The following HTRA1 variants were observed in gnomAD, a reference collection of about 807,000 sequenced individuals.
HTRA1 encodes HtrA serine peptidase 1.
A neutral mutation model predicts 49.7 loss-of-function variants in HTRA1; 26 were observed. That is an observed-to-expected ratio of 0.52 (90% CI 0.38 to 0.73). The LOEUF (loss-of-function observed/expected upper bound fraction) is 0.73, where lower values mean the gene tolerates loss of function less well. HTRA1 is among the 30% of genes least tolerant of loss of function. The pLI is 0.00. For synonymous variants in HTRA1, 291 were observed against 286.9 expected (o/e 1.01, Z -0.14); for missense variants, 561 against 667.2 (o/e 0.84, Z 1.75).
chr10:122,463,025 C>G (rs139968971), intron 1 of HTRA1, among the ~76,000 whole-genome samples: 1 of 152,236 alleles, frequency 6.6e-6, no homozygotes, highest in East Asian at 1.9e-4. Context: ...AAAATAATAT[C>G]GAGTTCAGCA....
At chr10:122,467,963 G>A (rs145124312) in intron 1 of HTRA1, among the ~76,000 whole-genome samples, 3 of 152,334 alleles carry the variant, frequency 2.0e-5, no homozygotes, top group Admixed American at 6.5e-5. Flanking sequence ...ACAGAAGTAA[G>A]TGGCTGCGAA....
In HTRA1 at chr10:122,482,033, A is replaced by G. The variant is rs1026803121; in HGVS notation, c.473-6869A>G. Among the ~76,000 whole-genome samples the G allele has an allele frequency of 5.9e-5, 9 of 152,228 alleles. No homozygotes were observed. The South Asian group carries it at 1.9e-3, about 32-fold the overall frequency. Reference sequence around the variant, plus strand: ...AATGGACTAATACAGTAGTGCAGTCATTTTTTCATGGTCCCCAGTAAGGCC... The same window carrying G: ...AATGGACTAATACAGTAGTGCAGTCGTTTTTTCATGGTCCCCAGTAAGGCC... On this transcript the variant is annotated intron_variant, in intron 1 of 8. Coordinates refer to ENST00000368984, the MANE Select transcript of HTRA1 (RefSeq NM_002775.5).
At chr10:122,462,706 C>T (rs1227589624) in intron 1 of HTRA1, among the ~76,000 whole-genome samples, 4 of 152,350 alleles carry the variant, frequency 2.6e-5, no homozygotes, top group Admixed American at 6.5e-5. Flanking sequence ...GGTTTGGCAC[C>T]GCTCTCGTTT....
At chr10:122,508,269 G>T (rs1015061427) in intron 5 of HTRA1, among the ~76,000 whole-genome samples, 3 of 152,242 alleles carry the variant, frequency 2.0e-5, no homozygotes, top group Admixed American at 1.3e-4. Flanking sequence ...TCCCCCTGAA[G>T]TCAGCAGAGT....
In HTRA1 at chr10:122,506,632, G is replaced by A. The variant is rs1002419422; in HGVS notation, c.778-59G>A. The A allele has an allele frequency of 2.3e-5, 34 of 1,450,886 alleles. No individual in the cohort carries two copies. Among genetic ancestry groups the A allele is most frequent in the Non-Finnish European group, 3.2e-5 (33 of 1,042,012 alleles). 89.9% of individuals were successfully genotyped at this position (1,450,886 alleles called of 1,614,324 possible). ...CTGCTTGGTTTTCCATGATATCTGT[G>A]CCTTTACCTATTTGGTTAAATTAAA... On this transcript the variant is annotated intron_variant, in intron 3 of 8. Coordinates refer to ENST00000368984, the MANE Select transcript of HTRA1 (RefSeq NM_002775.5). The surrounding 1 kb of genome is among the most constrained non-coding windows in gnomAD (Gnocchi z 5.2).
chr10:122,502,695 C>A (rs1010743438), intron 3 of HTRA1, among the ~76,000 whole-genome samples: 1 of 152,144 alleles, frequency 6.6e-6, no homozygotes, highest in Non-Finnish European at 1.5e-5. Flanking sequence ...GCTTCCTGCT[C>A]CTGAGATTGT....
In HTRA1 at chr10:122,510,086, G is replaced by T. The variant is rs772272235; in HGVS notation, c.1121-10G>T. ...GCTGACCTTCTGCTGTCCCTTTGTT[G>T]TCTCACCAGGAAAAGCCATCACCAA... On this transcript the variant is annotated splice_polypyrimidine_tract_variant and intron_variant, in intron 6 of 8. Transcript: ENST00000368984. 1.9e-6 allele frequency: 3 copies of T among 1,613,370 alleles called. No homozygotes were observed. The highest frequency in any genetic ancestry group is 1.7e-5 in the Admixed American group (1 of 60,004).
chr10:122,506,586 C>G lies in HTRA1; in HGVS notation c.778-105C>G. Reference sequence around the variant, plus strand: ...CAGTTCCCCACCGGGCCTGGTGTTTCCAAATAGCCCGTCACTGTCCCTGCT... The same window carrying G: ...CAGTTCCCCACCGGGCCTGGTGTTTGCAAATAGCCCGTCACTGTCCCTGCT... On this transcript the variant is annotated intron_variant, in intron 3 of 8. Coordinates refer to ENST00000368984, the MANE Select transcript of HTRA1 (RefSeq NM_002775.5). The surrounding 1 kb of genome is among the most constrained non-coding windows in gnomAD (Gnocchi z 5.2). 3 of 1,016,760 alleles carry G rather than the reference C, an allele frequency of 3.0e-6. No individual in the cohort carries two copies. In the Admixed American group the frequency reaches 5.2e-5, roughly 18 times the overall value. The allele number at this position is 1,016,760 out of a possible 1,614,324, so 63.0% of individuals were successfully genotyped here.
chr10:122,467,488 G>C (rs2097484242), intron 1 of HTRA1, among the ~76,000 whole-genome samples: 1 of 152,178 alleles, frequency 6.6e-6, no homozygotes, highest in East Asian at 1.9e-4. Context: ...GCCTGGGGAG[G>C]CTTCCTTATG....
intron 6 of HTRA1, among the ~76,000 whole-genome samples, chr10:122,509,785 G>C (rs2097504773): frequency 1.3e-5 from 2 of 152,170 alleles, no homozygotes. Context: ...GGTGGCAGTG[G>C]AGGTGGGACA....
intron 1 of HTRA1, among the ~76,000 whole-genome samples, chr10:122,477,907 C>T (rs868563649): frequency 1.9e-5 from 1 of 54,036 alleles, no homozygotes; most frequent in Non-Finnish European, 3.6e-5. Context: ...GTCATTTATG[C>T]CCAGACCCCA....
chr10:122,471,089 C>A (rs780033983), intron 1 of HTRA1, among the ~76,000 whole-genome samples: 1 of 152,156 alleles, frequency 6.6e-6, no homozygotes, highest in Non-Finnish European at 1.5e-5. Context: ...CCTGGGGTGG[C>A]CTGCATCCTG....
At chr10:122,501,011 A>G (rs1029343994) in intron 3 of HTRA1, among the ~76,000 whole-genome samples, 4 of 152,154 alleles carry the variant, frequency 2.6e-5, no homozygotes, top group African/African-American at 9.7e-5. Context: ...TGCCCTGAGC[A>G]TCTGGGAGGT....
At chr10:122,470,971 C>T (rs2097485849) in intron 1 of HTRA1, among the ~76,000 whole-genome samples, 1 of 152,170 alleles carries the variant, frequency 6.6e-6, no homozygotes, top group Non-Finnish European at 1.5e-5. Flanking sequence ...GCAGGGTTCA[C>T]TACCATCATG....
chr10:122,510,148 G>T lies in HTRA1; in HGVS notation c.1173G>T (p.Thr391=). ...TTGGTATCCGAATGATGTCACTCACGTCCAGGTGGGTAAACAGGATGCGTG... is the reference window on the plus strand; with the variant it reads ...TTGGTATCCGAATGATGTCACTCACTTCCAGGTGGGTAAACAGGATGCGTG... The part of the protein sequence containing the change: ...KYIGIRMMSL[T]SSKAKELKDR... The change falls in exon 7 of 9, where the codon ACG becomes ACT. Residue 391 remains threonine (T), a synonymous_variant. Coordinates refer to ENST00000368984, the MANE Select transcript of HTRA1 (RefSeq NM_002775.5). 1.9e-6 allele frequency: 3 copies of T among 1,613,426 alleles called. No individual in the cohort carries two copies. The highest frequency in any genetic ancestry group is 2.5e-6 in the Non-Finnish European group (3 of 1,179,348).
chr10:122,509,957 C>T, intron 6 of HTRA1, 139 bp from the exon 7 acceptor site: 3 of 743,118 alleles, frequency 4.0e-6, no homozygotes, highest in South Asian at 1.5e-5. Context: ...GGGGTCCAGA[C>T]CAGGATTTGA....
chr10:122,461,742 G>C lies in HTRA1; in HGVS notation c.90G>C (p.Ser30=), dbSNP rs1023084344. The C allele has an allele frequency of 4.4e-6, 5 of 1,144,546 alleles. No individual in the cohort carries two copies. Among genetic ancestry groups the C allele is most frequent in the Non-Finnish European group, 2.2e-6 (2 of 926,402 alleles). 70.9% of individuals were successfully genotyped at this position (1,144,546 alleles called of 1,614,324 possible). A position where few individuals can be genotyped will look rare whatever the true frequency, so the allele number is the denominator to read the frequency against. The change falls in exon 1 of 9, where the codon TCG becomes TCC. Residue 30 remains serine (S), a synonymous_variant. Coordinates refer to ENST00000368984, the MANE Select transcript of HTRA1 (RefSeq NM_002775.5). The part of the protein sequence containing the change: ...ASAQLSRAGR[S]APLAAGCPDR... ...CGCAGCTGTCCCGGGCCGGCCGCTC[G>C]GCGCCTTTGGCCGCCGGGTGCCCAG...
rs115643776 is a variant in HTRA1, at chr10:122,467,831, C to T, written c.472+5707C>T. ...TAATAGAGAAACCGAGAAGTGTAGC[C>T]ATTCTGAATGTGTTTCCAAAAGGCT... is the stretch of plus-strand genomic sequence containing the variant. On this transcript the variant is annotated intron_variant, in intron 1 of 8. Coordinates refer to ENST00000368984, the MANE Select transcript of HTRA1 (RefSeq NM_002775.5). Among the ~76,000 whole-genome samples the T allele has an allele frequency of 8.9e-3, 1,352 of 151,964 alleles. 14 individuals carry two copies. Among genetic ancestry groups the T allele is most frequent in the African/African-American group, 0.031 (1,303 of 41,442 alleles).
At chr10:122,500,069 T>A (rs1011449706) in intron 3 of HTRA1, among the ~76,000 whole-genome samples, 10 of 152,250 alleles carry the variant, frequency 6.6e-5, no homozygotes, top group African/African-American at 1.2e-4. Flanking sequence ...GGTTTTTTTT[T>A]ATTTTTCTTT....
Sources: allele counts gnomAD v4.1 joint callset (sites outside exome capture counted in the v4.1 genomes callset), GRCh38; gene constraint gnomAD v4.1.1; non-coding constraint Gnocchi (gnomAD v3.1); transcripts MANE v1.5; gene names NCBI Gene and HGNC (gene_info 2026-07-23, HGNC 2026-07-21).